The following ACSM2A variants were observed in gnomAD, a reference collection of about 807,000 sequenced individuals.
ACSM2A encodes acyl-coenzyme A synthetase ACSM2A, mitochondrial.
Under a neutral mutation model 76.6 loss-of-function variants are expected in ACSM2A, and 72 were observed. The ratio of observed to expected loss-of-function variants is 0.94; its 90% CI spans 0.78 to 1.14. ACSM2A has a LOEUF of 1.14. Among genes scored for constraint, ACSM2A ranks in the 50% most tolerant of loss-of-function variants. The probability of loss-of-function intolerance (pLI) is 0.00; values close to 1 mark genes in which losing one functional copy is unlikely to be tolerated. For synonymous variants in ACSM2A, 249 were observed against 255.9 expected (o/e 0.97, Z 0.26); for missense variants, 684 against 708.5 (o/e 0.97, Z 0.39).
At chr16:20,480,016 T>A (rs1429129397) in intron 10 of ACSM2A, among the ~76,000 whole-genome samples, 4 of 152,188 alleles carry the variant, frequency 2.6e-5, no homozygotes, top group African/African-American at 7.2e-5. Context: ...CCCCTATACC[T>A]GAGTCAGATA....
At chr16:20,479,333 A>G (rs1345566495) in intron 10 of ACSM2A, among the ~76,000 whole-genome samples, 2 of 152,316 alleles carry the variant, frequency 1.3e-5, no homozygotes, top group African/African-American at 4.8e-5. Flanking sequence ...TATTGAATGC[A>G]TATCATGAGG....
At chr16:20,455,257 G>T (rs1310778037) in intron 1 of ACSM2A, among the ~76,000 whole-genome samples, 1 of 150,868 alleles carries the variant, frequency 6.6e-6, no homozygotes, top group Non-Finnish European at 1.5e-5. Context: ...TCCCAGCCTT[G>T]CTAAAGACCT....
At chr16:20,452,016 G>T (rs1248550238) in intron 1 of ACSM2A, 1 of 151,118 alleles carries the variant, frequency 6.6e-6, no homozygotes, top group Non-Finnish European at 1.5e-5. Context: ...AGAGGGACCA[G>T]CAGGTACAAA....
chr16:20,472,207 A>C (rs947687091), intron 6 of ACSM2A, among the ~76,000 whole-genome samples: 2 of 152,172 alleles, frequency 1.3e-5, no homozygotes, highest in African/African-American at 4.8e-5. Context: ...AGCTTGGGCT[A>C]CTATAATAAA....
Position 20,471,644 on chromosome 16 carries a change from A to G in ACSM2A, c.849A>G (p.Thr283=). ...AACCTTGGGCATTAGGAGCATGCAC[A>G]TTTGTTCATCTCTTGCCAAAGTTTG... is the stretch of plus-strand genomic sequence containing the variant. The part of the protein sequence containing the change: ...LMEPWALGAC[T]FVHLLPKFDP... The change falls in exon 6 of 14, where the codon ACA becomes ACG. Residue 283 remains threonine (T), a synonymous_variant. Coordinates refer to ENST00000573854, the MANE Select transcript of ACSM2A (RefSeq NM_001308172.2). 3 of 1,614,024 alleles carry G rather than the reference A, an allele frequency of 1.9e-6. No homozygotes were observed. The highest frequency in any genetic ancestry group is 1.1e-5 in the South Asian group (1 of 91,058).
chr16:20,480,084 C>T (rs571366610), intron 10 of ACSM2A, among the ~76,000 whole-genome samples: 3 of 152,296 alleles, frequency 2.0e-5, no homozygotes, highest in South Asian at 4.2e-4. Context: ...TAAGCAAGTG[C>T]CTCAGCTGAA....
intron 2 of ACSM2A, among the ~76,000 whole-genome samples, chr16:20,465,057 T>G (rs1276133395): frequency 2.0e-5 from 3 of 152,224 alleles, no homozygotes; most frequent in African/African-American, 7.2e-5. Flanking sequence ...CAATAGCATT[T>G]TCCAGAAGGT....
In ACSM2A at chr16:20,486,722, T is replaced by C. The variant is rs1418860975; in HGVS notation, c.*44T>C. The C allele has an allele frequency of 1.5e-5, 24 of 1,607,736 alleles. No homozygotes were observed. Among genetic ancestry groups the C allele is most frequent in the Non-Finnish European group, 2.0e-5 (23 of 1,174,758 alleles). ...ATTTGGATTCCCCTCTTCTTTCTCT[T>C]TCTTTTCCCTTTGGGCCCTTGGCCT... On this transcript the variant is annotated 3_prime_UTR_variant, in exon 14 of 14. Transcript: ENST00000573854.
intron 3 of ACSM2A, among the ~76,000 whole-genome samples, chr16:20,467,127 G>A (rs944616247): frequency 1.3e-5 from 2 of 152,204 alleles, no homozygotes; most frequent in Non-Finnish European, 2.9e-5. Context: ...TCCAAAGGCA[G>A]TTTCAAAGCC....
intron 6 of ACSM2A, among the ~76,000 whole-genome samples, chr16:20,472,032 T>A (rs2013446015): frequency 6.6e-6 from 1 of 152,176 alleles, no homozygotes. Flanking sequence ...TTGGAGGGGA[T>A]GCCATCTCGC....
chr16:20,471,688 A>C lies in ACSM2A; in HGVS notation c.893A>C (p.Lys298Thr). Residue 298 changes from lysine (K) to threonine (T), a missense_variant and splice_region_variant, in exon 6 of 14, where the codon AAG (lysine) becomes ACG (threonine). Coordinates refer to ENST00000573854, the MANE Select transcript of ACSM2A (RefSeq NM_001308172.2). ...LPKFDPLVIL[K>T]TLSSYPIKSM... is the part of the protein sequence containing the mutation. ...AAGTTTGACCCACTGGTTATTCTAA[A>C]GGTAAGAGAGGATCCAGTTTGCAGC... 1 of 1,606,416 alleles carries C rather than the reference A, an allele frequency of 6.2e-7. No individual in the cohort carries two copies. Among genetic ancestry groups the C allele is most frequent in the Non-Finnish European group, 8.5e-7 (1 of 1,175,864 alleles).
chr16:20,455,346 C>G (rs1375236287), intron 1 of ACSM2A, among the ~76,000 whole-genome samples: 1 of 151,350 alleles, frequency 6.6e-6, no homozygotes, highest in Non-Finnish European at 1.5e-5. Flanking sequence ...ACATTGTCAT[C>G]AGGTTATCTA....
At position 20,480,810 on chromosome 16, in the gene ACSM2A, G is replaced by A. The variant is rs753848335; in HGVS notation, c.1410-12G>A. ...GTGTCCAGTGTTCTCTGAAGGACAG[G>A]TTCTTCTGCAGGTACCGGATTGGAC... On this transcript the variant is annotated splice_polypyrimidine_tract_variant and intron_variant, in intron 11 of 13. Coordinates refer to ENST00000573854, the MANE Select transcript of ACSM2A (RefSeq NM_001308172.2). 6 of 1,613,926 alleles carry A rather than the reference G, an allele frequency of 3.7e-6. No individual in the cohort carries two copies. The highest frequency in any genetic ancestry group is 5.1e-6 in the Non-Finnish European group (6 of 1,179,860).
intron 7 of ACSM2A, 61 bp downstream of exon 7, chr16:20,475,502 A>G: frequency 1.2e-6 from 2 of 1,608,042 alleles, no homozygotes; most frequent in Non-Finnish European, 8.5e-7. Flanking sequence ...TCCCTCACAT[A>G]CATTCATGCC....
rs1700805 is a variant in ACSM2A at position 20,477,374 on chromosome 16, A to C, written c.1104A>C (p.Leu368Phe). 1.2e-6 allele frequency: 2 copies of C among 1,602,406 alleles called. No homozygotes were observed. Among genetic ancestry groups the C allele is most frequent in the African/African-American group, 2.7e-5 (2 of 74,008 alleles). The stretch of plus-strand genomic sequence containing the variant: ...CTGTCTGCTTCTTTCCACAGGGATT[A>C]ACTTGCATGGTTTCCAAGACAATGA... ...RESYGQTETGLTCMVSKTMKI... is the reference protein window; with the variant it reads ...RESYGQTETGFTCMVSKTMKI... The change falls in exon 9 of 14, where the codon TTA (leucine) becomes TTC (phenylalanine). Residue 368 changes from leucine (L) to phenylalanine (F), a missense_variant. Physicochemically the swap from Leu to Phe is conservative, Grantham distance 22. Around this residue, in one of 3 missense-constraint regions of ACSM2A, gnomAD observed 519 missense variants for 549.5 expected, o/e 0.94. Coordinates refer to ENST00000573854, the MANE Select transcript of ACSM2A (RefSeq NM_001308172.2).
intron 1 of ACSM2A, among the ~76,000 whole-genome samples, chr16:20,456,911 CAA>C (rs61253658): frequency 9.4e-4 from 130 of 137,814 alleles, no homozygotes; most frequent in Non-Finnish European, 1.4e-3. Context: ...GAAGATTAAC[CAA>C]AAAAAAAAAA....
Position 20,486,823 on chromosome 16 carries a change from C to G in ACSM2A, c.*145C>G. 1 of 966,970 alleles carries G rather than the reference C, an allele frequency of 1.0e-6. No individual in the cohort carries two copies. The highest frequency in any genetic ancestry group is 1.7e-5 in the South Asian group (1 of 59,778). The allele number at this position is 966,970 out of a possible 1,614,324, so 59.9% of individuals were successfully genotyped here. ...TCTTGCCTTGGTTATTAGCACAAAACTTTACCATGTTAGATGTTGAAAGAA... is the reference window on the plus strand; with the variant it reads ...TCTTGCCTTGGTTATTAGCACAAAAGTTTACCATGTTAGATGTTGAAAGAA... On this transcript the variant is annotated 3_prime_UTR_variant, in exon 14 of 14. Coordinates refer to ENST00000573854, the MANE Select transcript of ACSM2A (RefSeq NM_001308172.2).
At chr16:20,472,643 C>T (rs2013488125) in intron 6 of ACSM2A, among the ~76,000 whole-genome samples, 1 of 151,858 alleles carries the variant, frequency 6.6e-6, no homozygotes, top group South Asian at 2.1e-4. Flanking sequence ...CTGACAGCAT[C>T]TGCCCCCCAT....
At chr16:20,482,309 G>C (rs2014133352) in intron 12 of ACSM2A, 1 of 152,142 alleles carries the variant, frequency 6.6e-6, no homozygotes, top group African/African-American at 2.4e-5. Context: ...CAGAAGAACA[G>C]AGGAGGGATT....
Sources: allele counts gnomAD v4.1 joint callset (sites outside exome capture counted in the v4.1 genomes callset), GRCh38; gene constraint gnomAD v4.1.1; regional missense constraint gnomAD v4.1.1; transcripts MANE v1.5; gene names NCBI Gene and HGNC (gene_info 2026-07-23, HGNC 2026-07-21).